The following CLIC5 variants were observed in gnomAD, a reference collection of about 807,000 sequenced individuals.
CLIC5 encodes the protein chloride intracellular channel protein 5.
A neutral mutation model predicts 24.7 loss-of-function variants in CLIC5; 20 were observed. The ratio of observed to expected loss-of-function variants is 0.81; its 90% CI spans 0.57 to 1.18. The LOEUF (loss-of-function observed/expected upper bound fraction) is 1.18, where lower values mean the gene tolerates loss of function less well. Among genes scored for constraint, CLIC5 ranks in the 50% most tolerant of loss-of-function variants. The pLI, the probability that CLIC5 is intolerant of heterozygous loss-of-function variation, is 0.00. For missense variants in CLIC5, 341 were observed against 326.1 expected (o/e 1.05, Z -0.35); for synonymous variants, 159 against 135.6 (o/e 1.17, Z -1.20).
At position 45,902,984 on chromosome 6, in the gene CLIC5, A is replaced by G. The variant is rs1762549117; in HGVS notation, c.*104T>C. On this transcript the variant is annotated 3_prime_UTR_variant, in exon 6 of 6. Transcript: ENST00000339561. ...TACCAGCAAGATGAGGCTTGATTAT[A>G]AAAAGTGCGCCTCAAGGCAGTGATA... The G allele has an allele frequency of 3.9e-6, 5 of 1,271,102 alleles. No individual in the cohort carries two copies. The Admixed American group carries it at 5.9e-5, about 15-fold the overall frequency. The allele number at this position is 1,271,102 out of a possible 1,614,324, so 78.7% of individuals were successfully genotyped here.
At chr6:46,104,098 T>C in the CLIC5 span, among the ~76,000 whole-genome samples, 1 of 152,176 alleles carries the variant, frequency 6.6e-6, no homozygotes, top group Admixed American at 6.5e-5. Flanking sequence ...TATGCCTTTG[T>C]TTTTCTGGGT....
At chr6:45,912,730 G>A (rs1235406497) in intron 5 of CLIC5, 4 of 1,533,678 alleles carry the variant, frequency 2.6e-6, no homozygotes, top group Non-Finnish European at 3.5e-6. Flanking sequence ...CCTTTCAGTG[G>A]TACTTGTTCC....
In CLIC5 at chr6:45,902,374, A is replaced by T. The variant is rs1762532921; in HGVS notation, c.*714T>A. On this transcript the variant is annotated 3_prime_UTR_variant, in exon 6 of 6. Transcript: ENST00000339561. The stretch of plus-strand genomic sequence containing the variant: ...CCCATCCCAGTCACTGCAGTTTAGA[A>T]TTGCATGCCAATTTCCTTTTCTGGC... 1.3e-5 allele frequency: 2 copies of T among 152,880 alleles called. No individual in the cohort carries two copies. The highest frequency in any genetic ancestry group is 4.8e-5 in the African/African-American group (2 of 41,454). 9.5% of individuals were successfully genotyped at this position (152,880 alleles called of 1,614,324 possible). A position where few individuals can be genotyped will look rare whatever the true frequency, so the allele number is the denominator to read the frequency against.
At chr6:46,048,156 C>T (rs1768007663) in intron 1 of CLIC5, among the ~76,000 whole-genome samples, 1 of 152,112 alleles carries the variant, frequency 6.6e-6, no homozygotes, top group African/African-American at 2.4e-5. Flanking sequence ...GTGCATGCCA[C>T]CACGCCTGGT....
chr6:46,077,629 C>G (rs1382716573), intron 1 of CLIC5, among the ~76,000 whole-genome samples: 1 of 152,002 alleles, frequency 6.6e-6, no homozygotes, highest in East Asian at 1.9e-4. Context: ...AGCTAGGAAG[C>G]AGGGATTATA....
At chr6:45,930,417 G>T (rs561045262) in intron 4 of CLIC5, among the ~76,000 whole-genome samples, 1 of 152,308 alleles carries the variant, frequency 6.6e-6, no homozygotes, top group Non-Finnish European at 1.5e-5. Flanking sequence ...GTCAGGCCTG[G>T]TGGACATGCC....
intron 1 of CLIC5, among the ~76,000 whole-genome samples, chr6:45,985,313 G>A (rs1581826793): frequency 6.6e-6 from 1 of 152,186 alleles, no homozygotes; most frequent in South Asian, 2.1e-4. Flanking sequence ...TACCTTCAGG[G>A]TTTAATCTCA....
At chr6:46,072,999 A>G (rs2127475660) in intron 1 of CLIC5, among the ~76,000 whole-genome samples, 1 of 152,336 alleles carries the variant, frequency 6.6e-6, no homozygotes, top group South Asian at 2.1e-4. Flanking sequence ...CCCTGGATGG[A>G]CAGCCCAATG....
intron 1 of CLIC5, among the ~76,000 whole-genome samples, chr6:46,010,350 C>T (rs1766760949): frequency 6.6e-6 from 1 of 152,066 alleles, no homozygotes; most frequent in Non-Finnish European, 1.5e-5. Context: ...AGATGTGCTG[C>T]TGCTATTAGC....
intron 4 of CLIC5, among the ~76,000 whole-genome samples, chr6:45,923,060 T>G (rs969461539): frequency 3.9e-5 from 6 of 152,222 alleles, no homozygotes; most frequent in African/African-American, 1.4e-4. Context: ...TGTACGTGTG[T>G]TTTCTATTAG....
downstream of CLIC5, among the ~76,000 whole-genome samples, chr6:45,897,775 G>A (rs1454612889): frequency 6.6e-6 from 1 of 152,062 alleles, no homozygotes; most frequent in East Asian, 1.9e-4. Context: ...AGGAACGCAA[G>A]CCACTGAGAG....
At chr6:45,884,203 A>T (rs2127280337) in intron 6 of CLIC5, among the ~76,000 whole-genome samples, 1 of 152,296 alleles carries the variant, frequency 6.6e-6, no homozygotes, top group South Asian at 2.1e-4. Flanking sequence ...CTGAGAAGGC[A>T]GCCATAGAAC....
chr6:46,006,157 T>TATATATTTAG (rs1766572763), intron 1 of CLIC5, among the ~76,000 whole-genome samples: 1 of 90,658 alleles, frequency 1.1e-5, no homozygotes, highest in Non-Finnish European at 2.2e-5. Context: ...TATATATATA[T>TATATATTTAG]ATATTTAGAT....
chr6:45,914,393 T>G lies in CLIC5; in HGVS notation c.423A>C (p.Leu141=), dbSNP rs1437196099. ...CATCCAATTTCTTTAGAGCCTTGGT[T>G]AGGCCTCTTTCAAGAGCTGGCATGA... is the stretch of plus-strand genomic sequence containing the variant. ...QQNNAALERG[L]TKALKKLDDY... is the part of the protein sequence containing the mutation. Residue 141 remains leucine (L), a synonymous_variant, in exon 5 of 6, where the codon CTA becomes CTC. Coordinates refer to ENST00000339561, the MANE Select transcript of CLIC5 (RefSeq NM_016929.5). The G allele has an allele frequency of 3.2e-6, 5 of 1,571,286 alleles. No individual in the cohort carries two copies. The highest frequency in any genetic ancestry group is 4.3e-6 in the Non-Finnish European group (5 of 1,150,728).
At chr6:45,945,545 G>T (rs1431756936) in intron 3 of CLIC5, among the ~76,000 whole-genome samples, 1 of 152,128 alleles carries the variant, frequency 6.6e-6, no homozygotes, top group Non-Finnish European at 1.5e-5. Flanking sequence ...AAAACTACAG[G>T]ATGGAAGAGG....
upstream of CLIC5, among the ~76,000 whole-genome samples, chr6:46,082,318 T>G (rs911204845): frequency 6.6e-5 from 10 of 152,232 alleles, no homozygotes; most frequent in African/African-American, 2.4e-4. Flanking sequence ...GGTCCCTCTC[T>G]TATCCCATTT....
chr6:45,924,114 A>T (rs1380535089), intron 4 of CLIC5, among the ~76,000 whole-genome samples: 1 of 152,230 alleles, frequency 6.6e-6, no homozygotes, highest in South Asian at 2.1e-4. Flanking sequence ...GCAACAAAAA[A>T]TTCTTAGAGC....
At chr6:46,010,089 G>A (rs140412179) in intron 1 of CLIC5, among the ~76,000 whole-genome samples, 44 of 152,190 alleles carry the variant, frequency 2.9e-4, no homozygotes, top group African/African-American at 8.7e-4. Flanking sequence ...CCAACAATCG[G>A]GAACATTTCT....
At chr6:46,057,283 T>C (rs1581906764) in intron 1 of CLIC5, among the ~76,000 whole-genome samples, 1 of 152,192 alleles carries the variant, frequency 6.6e-6, no homozygotes, top group Non-Finnish European at 1.5e-5. Context: ...GCTATTTTCA[T>C]GACAGTGAAT....
Sources: allele counts gnomAD v4.1 joint callset (sites outside exome capture counted in the v4.1 genomes callset), GRCh38; gene constraint gnomAD v4.1.1; transcripts MANE v1.5; gene names NCBI Gene and HGNC (gene_info 2026-07-23, HGNC 2026-07-21).